The following PTH2R variants were observed in gnomAD, a reference collection of about 807,000 sequenced individuals.
PTH2R encodes PTH2 receptor.
Under a neutral mutation model 60.3 loss-of-function variants are expected in PTH2R, and 59 were observed. The observed-to-expected ratio is 0.98, with a 90% CI of 0.79 to 1.22. The LOEUF (loss-of-function observed/expected upper bound fraction) is 1.22, where lower values mean the gene tolerates loss of function less well. PTH2R is among the 50% of genes most tolerant of loss of function. The pLI, the probability that PTH2R is intolerant of heterozygous loss-of-function variation, is 0.00. For missense variants in PTH2R, 749 were observed against 682.6 expected (o/e 1.10, Z -1.08); for synonymous variants, 256 against 243.8 (o/e 1.05, Z -0.47).
chr2:208,488,905 A>T, intron 10 of PTH2R, 107 bp from the exon 11 acceptor site: 1 of 1,145,808 alleles, frequency 8.7e-7, no homozygotes, highest in Non-Finnish European at 1.2e-6. Flanking sequence ...AGAAAGTGTC[A>T]GCCCCACCCC....
At chr2:208,382,568 T>C (rs1330711362) in intron 1 of PTH2R, among the ~76,000 whole-genome samples, 4 of 152,088 alleles carry the variant, frequency 2.6e-5, no homozygotes, top group Admixed American at 2.6e-4. Context: ...ACACAGAAAA[T>C]GTGCGTCAGA....
chr2:208,465,388 C>CTTTTT lies in PTH2R; in HGVS notation c.981+5455_981+5459dup, dbSNP rs60871321. ...ACATACTTGTTGGCTATTTGTAAGT[C>CTTTTT]TTTTTTTTTTTTTTTTTTTTTTTTT... On this transcript the variant is annotated intron_variant, in intron 9 of 12. Transcript: ENST00000272847. 2.3e-3 allele frequency among the ~76,000 whole-genome samples: 90 copies of CTTTTT among 39,950 alleles called. 9 individuals are homozygous for CTTTTT. The highest frequency in any genetic ancestry group is 7.8e-3 in the East Asian group (8 of 1,026). The allele number at this position is 39,950 out of a possible 152,430, so 26.2% of individuals were successfully genotyped here.
intron 9 of PTH2R, among the ~76,000 whole-genome samples, chr2:208,468,026 T>C (rs1482125260): frequency 6.6e-6 from 1 of 152,172 alleles, no homozygotes; most frequent in African/African-American, 2.4e-5. Context: ...CTGACATCTC[T>C]AGGCTAATCT....
At chr2:208,423,175 A>C (rs1701790897) in intron 1 of PTH2R, among the ~76,000 whole-genome samples, 1 of 150,970 alleles carries the variant, frequency 6.6e-6, no homozygotes, top group Non-Finnish European at 1.5e-5. Flanking sequence ...TCGGGGTGGG[A>C]GATTATATTA....
chr2:208,406,901 C>G lies in PTH2R; in HGVS notation c.-143C>G, dbSNP rs1305839276. On this transcript the variant is annotated 5_prime_UTR_variant, in exon 1 of 13. Transcript: ENST00000272847. ...CCGGCGACAAGACCCCAAGCACCCT[C>G]GGCCGGTGGCCCGGGCCCGACCACC... The G allele has an allele frequency of 8.8e-6, 5 of 565,986 alleles. No homozygotes were observed. The highest frequency in any genetic ancestry group is 1.4e-5 in the Non-Finnish European group (5 of 350,438). 35.1% of individuals were successfully genotyped at this position (565,986 alleles called of 1,614,324 possible).
chr2:208,410,176 G>A (rs1380244249), intron 1 of PTH2R, among the ~76,000 whole-genome samples: 1 of 152,112 alleles, frequency 6.6e-6, no homozygotes, highest in African/African-American at 2.4e-5. Context: ...GTGGAAAAAT[G>A]GTAATCAGTA....
chr2:208,481,721 T>C (rs1469323920), intron 10 of PTH2R, among the ~76,000 whole-genome samples: 2 of 152,238 alleles, frequency 1.3e-5, no homozygotes, highest in Non-Finnish European at 2.9e-5. Context: ...TCTCATCAAC[T>C]ATATATGAAC....
intron 1 of PTH2R, among the ~76,000 whole-genome samples, chr2:208,412,690 A>C (rs1559212285): frequency 6.6e-6 from 1 of 152,202 alleles, no homozygotes; most frequent in African/African-American, 2.4e-5. Flanking sequence ...AAGTGGCAAA[A>C]TTATGGGTCT....
chr2:208,394,965 GGC>G (rs1170026760), intron 1 of PTH2R, among the ~76,000 whole-genome samples: 1 of 152,104 alleles, frequency 6.6e-6, no homozygotes, highest in African/African-American at 2.4e-5. Context: ...ACTAAAATCT[GGC>G]TGCGGAAGAC....
rs560125403 is a variant in PTH2R, at chr2:208,424,163, G to A, written c.76-4038G>A. On this transcript the variant is annotated intron_variant, in intron 1 of 12. Coordinates refer to ENST00000272847, the MANE Select transcript of PTH2R (RefSeq NM_005048.4). ...TGTGTTACTGTCAGGAGGGGTGGAA[G>A]TCCAGGCTTCTTATATGCAGGTTGT... Among the ~76,000 whole-genome samples, 4 of 152,338 alleles carry A rather than the reference G, an allele frequency of 2.6e-5. No individual in the cohort carries two copies. The South Asian group carries it at 8.3e-4, about 32-fold the overall frequency.
chr2:208,400,864 A>T (rs556996787), intron 1 of PTH2R, among the ~76,000 whole-genome samples: 1 of 152,212 alleles, frequency 6.6e-6, no homozygotes, highest in Non-Finnish European at 1.5e-5. Flanking sequence ...AACCAGATGT[A>T]TATGTATCTC....
intron 9 of PTH2R, among the ~76,000 whole-genome samples, chr2:208,460,481 T>C (rs920641013): frequency 6.6e-6 from 1 of 152,160 alleles, no homozygotes; most frequent in African/African-American, 2.4e-5. Flanking sequence ...ATCTAATAGG[T>C]ATTAGATAGA....
intron 2 of PTH2R, among the ~76,000 whole-genome samples, chr2:208,436,345 A>G (rs1029669418): frequency 7.2e-5 from 11 of 152,188 alleles, no homozygotes; most frequent in African/African-American, 2.7e-4. Context: ...AGGCATTATA[A>G]AAACTTATGT....
chr2:208,386,861 C>T (rs1701012293), intron 1 of PTH2R, among the ~76,000 whole-genome samples: 1 of 152,170 alleles, frequency 6.6e-6, no homozygotes, highest in South Asian at 2.1e-4. Context: ...CAAATACTAT[C>T]ACACTGGGAA....
At chr2:208,453,379 G>A (rs1357655193) in intron 8 of PTH2R, among the ~76,000 whole-genome samples, 1 of 152,142 alleles carries the variant, frequency 6.6e-6, no homozygotes, top group Non-Finnish European at 1.5e-5. Flanking sequence ...TACCTTGTTA[G>A]TGCGTTTGAA....
chr2:208,445,799 A>G (rs1702277785), intron 7 of PTH2R, among the ~76,000 whole-genome samples: 2 of 152,208 alleles, frequency 1.3e-5, no homozygotes, highest in African/African-American at 4.8e-5. Flanking sequence ...TAGCTAATTA[A>G]TAACCTTTAA....
chr2:208,429,129 T>G (rs1401634574), intron 2 of PTH2R, among the ~76,000 whole-genome samples: 1 of 152,032 alleles, frequency 6.6e-6, no homozygotes, highest in Middle Eastern at 3.2e-3. Flanking sequence ...TCTTATAGTT[T>G]TGTCAATTTT....
chr2:208,424,387 G>A (rs2105850232), intron 1 of PTH2R, among the ~76,000 whole-genome samples: 1 of 152,312 alleles, frequency 6.6e-6, no homozygotes, highest in East Asian at 1.9e-4. Flanking sequence ...CTGTCCTTGT[G>A]TAAGCTGTCC....
intron 1 of PTH2R, among the ~76,000 whole-genome samples, chr2:208,394,217 T>C (rs761684515): frequency 4.5e-4 from 69 of 152,310 alleles, no homozygotes; most frequent in African/African-American, 1.2e-3. Context: ...GTCCCGAAGA[T>C]AGTAAGAAGG....
Sources: allele counts gnomAD v4.1 joint callset (sites outside exome capture counted in the v4.1 genomes callset), GRCh38; gene constraint gnomAD v4.1.1; transcripts MANE v1.5; gene names NCBI Gene and HGNC (gene_info 2026-07-23, HGNC 2026-07-21).